The following LIN28B variants were observed in gnomAD, a reference collection of about 807,000 sequenced individuals.
The protein encoded by LIN28B is lin-28 RNA binding posttranscriptional regulator B.
A neutral mutation model predicts 21.9 loss-of-function variants in LIN28B; 5 were observed. The observed-to-expected ratio is 0.23, with a 90% confidence interval of 0.12 to 0.48. The LOEUF (loss-of-function observed/expected upper bound fraction) is 0.48, where lower values mean the gene tolerates loss of function less well. LIN28B is among the 20% of genes least tolerant of loss of function. The pLI, the probability that LIN28B is intolerant of heterozygous loss-of-function variation, is 0.98. For missense variants in LIN28B, 245 were observed against 310.5 expected (o/e 0.79, Z 1.58); for synonymous variants, 109 against 111.3 (o/e 0.98, Z 0.13).
chr6:104,996,354 C>G (rs1302681365), intron 2 of LIN28B, among the ~76,000 whole-genome samples: 1 of 152,186 alleles, frequency 6.6e-6, no homozygotes, highest in Non-Finnish European at 1.5e-5. Flanking sequence ...GTTTTTGTCT[C>G]TGTTCAGATA....
At chr6:104,946,662 T>C (rs1029670794) in intron 2 of LIN28B, among the ~76,000 whole-genome samples, 1 of 152,184 alleles carries the variant, frequency 6.6e-6, no homozygotes, top group African/African-American at 2.4e-5. Context: ...GTTTGCTATA[T>C]GATTTTAAGT....
chr6:104,994,379 A>AT (rs1183386222), intron 2 of LIN28B, among the ~76,000 whole-genome samples: 1 of 152,240 alleles, frequency 6.6e-6, no homozygotes, highest in Non-Finnish European at 1.5e-5. Flanking sequence ...TTTACTAAGA[A>AT]TTAGCAAATC....
upstream of LIN28B, among the ~76,000 whole-genome samples, chr6:104,956,304 T>C (rs2114562017): frequency 6.6e-6 from 1 of 152,218 alleles, no homozygotes; most frequent in Non-Finnish European, 1.5e-5. Flanking sequence ...GTTCACTCTA[T>C]GTTAGGCTGG....
chr6:105,006,568 T>C (rs1307328116), intron 2 of LIN28B, among the ~76,000 whole-genome samples: 1 of 152,176 alleles, frequency 6.6e-6, no homozygotes, highest in Non-Finnish European at 1.5e-5. Context: ...CGTCTTGGCC[T>C]CCCAAAGTGT....
chr6:105,035,676 T>C (rs1771507104), intron 3 of LIN28B, among the ~76,000 whole-genome samples: 2 of 152,208 alleles, frequency 1.3e-5, no homozygotes, highest in Admixed American at 6.5e-5. Flanking sequence ...TACTTCAAGG[T>C]ACTATTTATA....
intron 3 of LIN28B, among the ~76,000 whole-genome samples, chr6:105,028,713 C>T (rs1413538184): frequency 1.3e-5 from 2 of 152,166 alleles, no homozygotes; most frequent in Non-Finnish European, 2.9e-5. Flanking sequence ...ACATAATGCA[C>T]ATCCAAGTGA....
intron 3 of LIN28B, among the ~76,000 whole-genome samples, chr6:105,045,022 A>G (rs1771720508): frequency 6.6e-6 from 1 of 152,146 alleles, no homozygotes; most frequent in East Asian, 1.9e-4. Context: ...TTCATATGAC[A>G]TTTATAGCTA....
At chr6:105,048,903 CT>C (rs1771830870) in intron 3 of LIN28B, among the ~76,000 whole-genome samples, 1 of 152,102 alleles carries the variant, frequency 6.6e-6, no homozygotes, top group African/African-American at 2.4e-5. Flanking sequence ...TGATTCTTCT[CT>C]CTTTTCTTCT....
chr6:105,000,708 T>G (rs1770702461), intron 2 of LIN28B, among the ~76,000 whole-genome samples: 2 of 151,922 alleles, frequency 1.3e-5, no homozygotes, highest in African/African-American at 4.8e-5. Context: ...AATCCTTCCT[T>G]AACCTAGAAT....
At chr6:104,986,709 A>G (rs1770353666) in intron 2 of LIN28B, among the ~76,000 whole-genome samples, 1 of 152,212 alleles carries the variant, frequency 6.6e-6, no homozygotes, top group South Asian at 2.1e-4. Flanking sequence ...AACCAGGGGA[A>G]AAAGCACTCA....
rs1771288910 is a variant in LIN28B, at chr6:105,026,439, C to A, written c.340C>A (p.Pro114Thr). Residue 114 changes from proline (P) to threonine (T), a missense_variant, in exon 3 of 4, where the codon CCC becomes ACC. Transcript: ENST00000345080. ...GSPCLGSERR[P>T]KGKTLQKRKP... ...CCCCTGTTTAGGAAGTGAAAGAAGACCCAAAGGGAAGACACTACAGAAAAG... is the reference window on the plus strand; with the variant it reads ...CCCCTGTTTAGGAAGTGAAAGAAGAACCAAAGGGAAGACACTACAGAAAAG... 1.2e-6 allele frequency: 2 copies of A among 1,606,222 alleles called. No homozygotes were observed. Among genetic ancestry groups the A allele is most frequent in the East Asian group, 2.2e-5 (1 of 44,740 alleles).
At chr6:104,965,502 G>A (rs1006192041) in intron 2 of LIN28B, among the ~76,000 whole-genome samples, 4 of 152,208 alleles carry the variant, frequency 2.6e-5, no homozygotes, top group South Asian at 2.1e-4. Context: ...CAGTCTGGAC[G>A]ACAGAGCAAG....
chr6:104,941,302 T>C (rs1400446481), intron 2 of LIN28B: 2 of 152,124 alleles, frequency 1.3e-5, no homozygotes, highest in Non-Finnish European at 2.9e-5. Context: ...ACGCGGGCAG[T>C]CGATGTACTT....
intron 3 of LIN28B, among the ~76,000 whole-genome samples, chr6:105,048,458 A>G (rs185521165): frequency 6.0e-4 from 91 of 152,342 alleles, no homozygotes; most frequent in African/African-American, 2.0e-3. Context: ...GATGTTCATC[A>G]GGCATATTGG....
At chr6:104,992,072 T>G (rs548329374) in intron 2 of LIN28B, among the ~76,000 whole-genome samples, 1 of 150,200 alleles carries the variant, frequency 6.7e-6, no homozygotes, top group Non-Finnish European at 1.5e-5. Context: ...CACATCTTGT[T>G]TTTTTTTTTT....
At chr6:104,967,576 CAAAAAAAAAAA>C (rs71003462) in intron 2 of LIN28B, among the ~76,000 whole-genome samples, 3 of 60,736 alleles carry the variant, frequency 4.9e-5, no homozygotes, top group Non-Finnish European at 8.7e-5. Flanking sequence ...AACTCCCTCT[CAAAAAAAAAAA>C]AAAAAAAAAA....
intron 2 of LIN28B, among the ~76,000 whole-genome samples, chr6:104,989,576 GTTTTTTTTTTTTTTTTT>G (rs34394074): frequency 3.3e-5 from 2 of 60,572 alleles, no homozygotes; most frequent in African/African-American, 1.2e-4. Flanking sequence ...TTTTACTTGG[GTTTTTTTTTTTTTTTTT>G]TTTTTTTTGC....
At chr6:104,950,574 A>T (rs1778209573) in intron 3 of LIN28B, 4 of 960,548 alleles carry the variant, frequency 4.2e-6, no homozygotes, top group Non-Finnish European at 5.4e-6. Context: ...CAAGATCGCT[A>T]GAGGCATATG....
At chr6:104,976,785 G>A (rs1770104464) in intron 2 of LIN28B, among the ~76,000 whole-genome samples, 1 of 152,188 alleles carries the variant, frequency 6.6e-6, no homozygotes, top group East Asian at 1.9e-4. Context: ...TAGAGCATGG[G>A]GACTTGATGG....
Sources: allele counts gnomAD v4.1 joint callset (sites outside exome capture counted in the v4.1 genomes callset), GRCh38; gene constraint gnomAD v4.1.1; transcripts MANE v1.5; gene names NCBI Gene and HGNC (gene_info 2026-07-23, HGNC 2026-07-21).